The following AUTS2 variants were observed in gnomAD, a reference collection of about 807,000 sequenced individuals.
AUTS2 encodes the protein activator of transcription and developmental regulator AUTS2.
In AUTS2, 17 loss-of-function variants were observed where a neutral mutation model predicts 112.4. The ratio of observed to expected loss-of-function variants is 0.15; its 90% confidence interval spans 0.10 to 0.23. The LOEUF (loss-of-function observed/expected upper bound fraction) is 0.23, where lower values mean the gene tolerates loss of function less well. AUTS2 is among the 10% of genes least tolerant of loss of function. The probability of loss-of-function intolerance (pLI) is 1.00; values close to 1 mark genes in which losing one functional copy is unlikely to be tolerated. For missense variants in AUTS2, 1,510 were observed against 1,701.6 expected, an observed-to-expected ratio of 0.89 and a Z score of 1.98; for synonymous variants, 751 against 702.7, an observed-to-expected ratio of 1.07 and a Z score of -1.09.
chr7:70,614,647 C>T (rs1804259966), intron 5 of AUTS2, among the ~76,000 whole-genome samples: 2 of 152,198 alleles, frequency 1.3e-5, no homozygotes, highest in African/African-American at 4.8e-5. Context: ...GCTGCACCCC[C>T]ACCCCCACGC....
chr7:70,313,750 T>C (rs2129615921), intron 4 of AUTS2, among the ~76,000 whole-genome samples: 1 of 152,314 alleles, frequency 6.6e-6, no homozygotes, highest in African/African-American at 2.4e-5. Flanking sequence ...TTGTAGGTAA[T>C]GTCACAGCAG....
At chr7:70,640,421 GAAAAAAAAAAA>G (rs57911940) in intron 5 of AUTS2, among the ~76,000 whole-genome samples, 1 of 93,616 alleles carries the variant, frequency 1.1e-5, no homozygotes, top group Non-Finnish European at 1.9e-5. Flanking sequence ...CTCACAGGGG[GAAAAAAAAAAA>G]AAAAAAAAAA....
At chr7:69,975,334 T>C (rs1239573953) in intron 2 of AUTS2, among the ~76,000 whole-genome samples, 1 of 152,144 alleles carries the variant, frequency 6.6e-6, no homozygotes, top group Admixed American at 6.6e-5. Flanking sequence ...TTGGTGTGGG[T>C]ATCTTTGAGC....
intron 4 of AUTS2, among the ~76,000 whole-genome samples, chr7:70,187,560 G>T (rs954075682): frequency 6.6e-6 from 1 of 152,084 alleles, no homozygotes; most frequent in Non-Finnish European, 1.5e-5. Flanking sequence ...TTAGACTGCA[G>T]TAAAGCAGTA....
intron 1 of AUTS2, among the ~76,000 whole-genome samples, chr7:69,758,921 A>T (rs1244220344): frequency 6.6e-6 from 1 of 152,170 alleles, no homozygotes; most frequent in African/African-American, 2.4e-5. Context: ...CTTCATGCCT[A>T]ATGCCTGGAG....
At chr7:70,002,449 G>C (rs1439652954) in intron 2 of AUTS2, among the ~76,000 whole-genome samples, 1 of 151,846 alleles carries the variant, frequency 6.6e-6, no homozygotes, top group Non-Finnish European at 1.5e-5. Context: ...TTTTGTCTTA[G>C]ACTAGGATGA....
intron 2 of AUTS2, among the ~76,000 whole-genome samples, chr7:69,953,420 G>A (rs563818645): frequency 1.3e-5 from 2 of 152,162 alleles, no homozygotes; most frequent in African/African-American, 4.8e-5. Context: ...ACTCTTGATG[G>A]CAGCTGCTGT....
At chr7:70,433,302 T>A (rs1238553182) in intron 4 of AUTS2, among the ~76,000 whole-genome samples, 1 of 152,294 alleles carries the variant, frequency 6.6e-6, no homozygotes, top group Admixed American at 6.5e-5. Flanking sequence ...GCAAATGCGA[T>A]GCCACAGCCT....
At chr7:70,718,097 G>A (rs116840118) in intron 6 of AUTS2, among the ~76,000 whole-genome samples, 73 of 152,192 alleles carry the variant, frequency 4.8e-4, no homozygotes, top group African/African-American at 1.5e-3. Flanking sequence ...CAGCTGTTTC[G>A]TGGTCTGTCT....
intron 4 of AUTS2, among the ~76,000 whole-genome samples, chr7:70,321,992 C>T (rs984710543): frequency 6.6e-6 from 1 of 152,094 alleles, no homozygotes; most frequent in Admixed American, 6.6e-5. Context: ...TTTTAATCCC[C>T]AAGTTAGAAG....
intron 6 of AUTS2, among the ~76,000 whole-genome samples, chr7:70,742,623 G>T (rs573534886): frequency 2.4e-4 from 36 of 152,202 alleles, no homozygotes; most frequent in Admixed American, 7.8e-4. Flanking sequence ...TTAGCCTGGC[G>T]TGGTGGCGCG....
intron 1 of AUTS2, among the ~76,000 whole-genome samples, chr7:69,723,026 T>TCG (rs1799045296): frequency 6.6e-6 from 1 of 152,112 alleles, no homozygotes; most frequent in African/African-American, 2.4e-5. Context: ...ACCATAGAAC[T>TCG]GTTCAGAAGC....
intron 5 of AUTS2, among the ~76,000 whole-genome samples, chr7:70,688,413 C>T (rs1183002674): frequency 2.0e-5 from 3 of 152,160 alleles, no homozygotes; most frequent in African/African-American, 7.2e-5. Flanking sequence ...TCCAGACACA[C>T]ATCTGTTATT....
chr7:69,693,053 C>G (rs1203897279), intron 1 of AUTS2, among the ~76,000 whole-genome samples: 1 of 152,152 alleles, frequency 6.6e-6, no homozygotes, highest in East Asian at 1.9e-4. Flanking sequence ...AACTGTGGCA[C>G]CTTGAACAGA....
chr7:69,668,620 A>G (rs1488535622), intron 1 of AUTS2, among the ~76,000 whole-genome samples: 1 of 152,170 alleles, frequency 6.6e-6, no homozygotes, highest in African/African-American at 2.4e-5. Context: ...AGTTCCTTCA[A>G]AGCTGTTGTT....
At position 70,677,896 on chromosome 7, in the gene AUTS2, A is replaced by G. The variant is rs1808001379; in HGVS notation, c.691-20673A>G. Among the ~76,000 whole-genome samples, 3 of 152,090 alleles carry G rather than the reference A, an allele frequency of 2.0e-5. No homozygotes were observed. The South Asian group carries it at 6.2e-4, about 32-fold the overall frequency. ...CAGGAGATCGAGACCGTCCTGGCTA[A>G]CACCATGAAACCCCGTCTCTACTAA... On this transcript the variant is annotated intron_variant, in intron 5 of 18. Transcript: ENST00000342771.
intron 4 of AUTS2, among the ~76,000 whole-genome samples, chr7:70,339,270 T>G (rs938329369): frequency 6.6e-6 from 1 of 152,182 alleles, no homozygotes; most frequent in African/African-American, 2.4e-5. Flanking sequence ...TCAAAGCTAT[T>G]TTTAAAATTC....
chr7:70,511,561 CTTTTTTTTTTTT>C (rs3974587), intron 5 of AUTS2, among the ~76,000 whole-genome samples: 18 of 70,104 alleles, frequency 2.6e-4, no homozygotes, highest in Non-Finnish European at 4.1e-4. Context: ...TTTTCATTTT[CTTTTTTTTTTTT>C]TTTTTTTTTT....
chr7:70,652,629 A>C (rs538457110), intron 5 of AUTS2, among the ~76,000 whole-genome samples: 182 of 152,342 alleles, frequency 1.2e-3, no homozygotes, highest in Middle Eastern at 6.8e-3. Flanking sequence ...GTGCGCCTGT[A>C]GTCTCAGCTA....
Sources: allele counts gnomAD v4.1 joint callset (sites outside exome capture counted in the v4.1 genomes callset), GRCh38; gene constraint gnomAD v4.1.1; transcripts MANE v1.5; gene names NCBI Gene and HGNC (gene_info 2026-07-23, HGNC 2026-07-21).